Variants in PLD5 observed in about 807,000 individuals in gnomAD.
PLD5 encodes the protein inactive phospholipase D5.
Under a neutral mutation model 61.1 loss-of-function variants are expected in PLD5, and 36 were observed. That is an observed-to-expected ratio of 0.59 (90% CI 0.45 to 0.78). PLD5 has a LOEUF of 0.78. Ranked by LOEUF, PLD5 falls within the 30% of genes least tolerant of loss-of-function variation. The pLI is 0.00. For missense variants in PLD5, 515 were observed against 644.4 expected (o/e 0.80, Z 2.17); for synonymous variants, 243 against 242.8 (o/e 1.00, Z -0.01).
At chr1:242,367,056 G>A (rs1437129549) in intron 1 of PLD5, among the ~76,000 whole-genome samples, 3 of 152,066 alleles carry the variant, frequency 2.0e-5, no homozygotes, top group Non-Finnish European at 2.9e-5. Flanking sequence ...TAGCAAGACC[G>A]AGAATGGAAA....
intron 2 of PLD5, among the ~76,000 whole-genome samples, chr1:242,304,620 A>G (rs915972976): frequency 1.3e-5 from 2 of 152,246 alleles, no homozygotes; most frequent in Non-Finnish European, 2.9e-5. Context: ...AGTTTCTATA[A>G]GAAACATTCT....
At chr1:242,190,829 A>C (rs1188802592) in intron 5 of PLD5, among the ~76,000 whole-genome samples, 1 of 152,212 alleles carries the variant, frequency 6.6e-6, no homozygotes, top group Non-Finnish European at 1.5e-5. Flanking sequence ...GTTAAACGTC[A>C]ATTGTGTTAG....
intron 5 of PLD5, among the ~76,000 whole-genome samples, chr1:242,128,808 C>T (rs1180338802): frequency 5.9e-5 from 9 of 151,962 alleles, no homozygotes; most frequent in African/African-American, 9.7e-5. Flanking sequence ...AGCTCCACCA[C>T]GGGCAAGGCA....
chr1:242,089,117 G>A lies in PLD5; in HGVS notation c.*737C>T. ...ATACCAATTCGGTAGGGGAAAAAAG[G>A]ATTCAGTTGAAAGGTGAAAATGAAA... On this transcript the variant is annotated 3_prime_UTR_variant, in exon 10 of 10. Coordinates refer to ENST00000536534, the MANE Select transcript of PLD5 (RefSeq NM_001372062.1). 2.6e-6 allele frequency: 1 copy of A among 388,118 alleles called. No homozygotes were observed. The highest frequency in any genetic ancestry group is 4.6e-6 in the Non-Finnish European group (1 of 219,768). 24.0% of individuals were successfully genotyped at this position (388,118 alleles called of 1,614,324 possible).
At chr1:242,373,810 GGAGGTGA>G (rs1426506266) in intron 1 of PLD5, among the ~76,000 whole-genome samples, 1 of 151,992 alleles carries the variant, frequency 6.6e-6, no homozygotes, top group East Asian at 1.9e-4. Context: ...TGCAGTGGGG[GGAGGTGA>G]GAGGGATAGC....
At chr1:242,333,362 T>G (rs1024245282) in intron 2 of PLD5, among the ~76,000 whole-genome samples, 7 of 152,108 alleles carry the variant, frequency 4.6e-5, no homozygotes, top group African/African-American at 1.7e-4. Context: ...AGAAACATAT[T>G]TTTTTTCTTT....
intron 6 of PLD5, among the ~76,000 whole-genome samples, chr1:242,116,919 C>A (rs1415541308): frequency 6.6e-6 from 1 of 152,130 alleles, no homozygotes; most frequent in Non-Finnish European, 1.5e-5. Flanking sequence ...ACAGATACTC[C>A]ATCTGTCACC....
intron 4 of PLD5, among the ~76,000 whole-genome samples, chr1:242,255,946 A>G (rs1039576351): frequency 3.9e-5 from 6 of 152,254 alleles, no homozygotes; most frequent in Admixed American, 6.5e-5. Context: ...AGGCCAATTA[A>G]ACGTCTACCA....
chr1:242,113,150 C>T (rs527989219), intron 7 of PLD5, among the ~76,000 whole-genome samples: 9 of 133,536 alleles, frequency 6.7e-5, no homozygotes, highest in South Asian at 2.4e-4. Context: ...AGTGCAGTGG[C>T]GTGATCTTGG....
rs1282994962 is a variant in PLD5, at chr1:242,256,746, TCATCTATC to T, written c.607+8583_607+8590del. ...CAGCAGCACAAATGAACTAAGACTATCATCTATCTATCTATCTATCTATCTATCTATCT... is the reference window on the plus strand; with the variant it reads ...CAGCAGCACAAATGAACTAAGACTATTATCTATCTATCTATCTATCTATCT... On this transcript the variant is annotated intron_variant, in intron 4 of 9. Transcript: ENST00000536534. This position sits in a 1 kb window ranked among gnomAD's most constrained non-coding sequence, Gnocchi z 5.7. 3.0e-5 allele frequency among the ~76,000 whole-genome samples: 4 copies of T among 133,824 alleles called. No individual in the cohort carries two copies. The highest frequency in any genetic ancestry group is 2.5e-4 in the South Asian group (1 of 3,932). 87.8% of individuals were successfully genotyped at this position (133,824 alleles called of 152,430 possible). A position where few individuals can be genotyped will look rare whatever the true frequency, so the allele number is the denominator to read the frequency against.
rs1483805283 is a variant in PLD5, at chr1:242,085,839, T to G, written c.*4015A>C. On this transcript the variant is annotated 3_prime_UTR_variant, in exon 10 of 10. Coordinates refer to ENST00000536534, the MANE Select transcript of PLD5 (RefSeq NM_001372062.1). Reference sequence around the variant, plus strand: ...AAGTTAAAAATAATGAAATGAATTTTGGACACAGAAACACACACCAGTGGT... The same window carrying G: ...AAGTTAAAAATAATGAAATGAATTTGGGACACAGAAACACACACCAGTGGT... The G allele has an allele frequency of 6.6e-6, 1 of 151,754 alleles. No homozygotes were observed. Among genetic ancestry groups the G allele is most frequent in the Non-Finnish European group, 1.5e-5 (1 of 67,988 alleles). 9.4% of individuals were successfully genotyped at this position (151,754 alleles called of 1,614,324 possible). A position where few individuals can be genotyped will look rare whatever the true frequency, so the allele number is the denominator to read the frequency against.
At chr1:242,435,515 T>A (rs1665951302) in intron 1 of PLD5, among the ~76,000 whole-genome samples, 1 of 152,202 alleles carries the variant, frequency 6.6e-6, no homozygotes, top group African/African-American at 2.4e-5. Flanking sequence ...GGAGAAAACA[T>A]GTGTTTTAGA....
chr1:242,514,910 G>A (rs1032723686), intron 1 of PLD5, among the ~76,000 whole-genome samples: 3 of 152,322 alleles, frequency 2.0e-5, no homozygotes, highest in Non-Finnish European at 2.9e-5. Context: ...GGTTAGAGAG[G>A]ACAGGAGAAG....
At chr1:242,419,052 G>A (rs1233226817) in intron 1 of PLD5, among the ~76,000 whole-genome samples, 2 of 152,178 alleles carry the variant, frequency 1.3e-5, no homozygotes, top group Non-Finnish European at 2.9e-5. Flanking sequence ...CATGAATAAT[G>A]CTTAGAAAAG....
chr1:242,381,658 T>A (rs973975317), intron 1 of PLD5, among the ~76,000 whole-genome samples: 4 of 152,188 alleles, frequency 2.6e-5, no homozygotes, highest in Admixed American at 6.5e-5. Flanking sequence ...AAAATTCTCT[T>A]CACTGATAGT....
chr1:242,274,479 G>A (rs112093958), intron 3 of PLD5, among the ~76,000 whole-genome samples: 2,849 of 152,310 alleles, frequency 0.019, 79 homozygotes, highest in African/African-American at 0.061. Flanking sequence ...CCTTGGCCAG[G>A]CGTGGTGGCT....
At chr1:242,401,192 T>C (rs1013138810) in intron 1 of PLD5, among the ~76,000 whole-genome samples, 5 of 152,146 alleles carry the variant, frequency 3.3e-5, no homozygotes, top group African/African-American at 1.2e-4. Flanking sequence ...TCTCTTCTAC[T>C]CACATCAATT....
chr1:242,420,801 T>C (rs1665094611), intron 1 of PLD5, among the ~76,000 whole-genome samples: 1 of 152,196 alleles, frequency 6.6e-6, no homozygotes, highest in Non-Finnish European at 1.5e-5. Context: ...CCATCAGAAC[T>C]CTGAAAGTTC....
At chr1:242,276,636 T>C (rs572419956) in intron 3 of PLD5, among the ~76,000 whole-genome samples, 3 of 151,280 alleles carry the variant, frequency 2.0e-5, no homozygotes, top group South Asian at 4.2e-4. Context: ...ACCCAGAAGA[T>C]AGCGGCCGCT....
Sources: allele counts gnomAD v4.1 joint callset (sites outside exome capture counted in the v4.1 genomes callset), GRCh38; gene constraint gnomAD v4.1.1; non-coding constraint Gnocchi (gnomAD v3.1); transcripts MANE v1.5; gene names NCBI Gene and HGNC (gene_info 2026-07-23, HGNC 2026-07-21).